Variants in ADAMTS14 observed in about 807,000 individuals in gnomAD.
The protein encoded by ADAMTS14 is A disintegrin and metalloproteinase with thrombospondin motifs 14.
In ADAMTS14, 100 loss-of-function variants were observed where a neutral mutation model predicts 128.6. That is an observed-to-expected ratio of 0.78 (90% CI 0.66 to 0.92). The LOEUF (loss-of-function observed/expected upper bound fraction) is 0.92. Among genes scored for constraint, ADAMTS14 ranks in the 40% least tolerant of loss-of-function variants. ADAMTS14 has a pLI of 0.00. For synonymous variants in ADAMTS14, 665 were observed against 653.8 expected (o/e 1.02, Z -0.26); for missense variants, 1,562 against 1,658.6 (o/e 0.94, Z 1.01).
At chr10:70,743,440 C>T in intron 12 of ADAMTS14, 108 bp from the exon 13 acceptor site, 1 of 1,353,962 alleles carries the variant, frequency 7.4e-7, no homozygotes, top group Non-Finnish European at 9.8e-7. Context: ...GCTCCCCCAA[C>T]TGTCCAGAGC....
At chr10:70,732,789 G>A (rs985079014) in intron 7 of ADAMTS14, among the ~76,000 whole-genome samples, 1 of 152,268 alleles carries the variant, frequency 6.6e-6, no homozygotes, top group African/African-American at 2.4e-5. Flanking sequence ...ACTCATTGGA[G>A]TGCTGGCCTG....
chr10:70,692,428 C>A (rs368318149), intron 2 of ADAMTS14, among the ~76,000 whole-genome samples: 1 of 152,242 alleles, frequency 6.6e-6, no homozygotes, highest in East Asian at 1.9e-4. Context: ...AAGGACCCTG[C>A]TGGGATGGAA....
chr10:70,723,493 A>G (rs1181273954), intron 4 of ADAMTS14, among the ~76,000 whole-genome samples: 1 of 152,258 alleles, frequency 6.6e-6, no homozygotes, highest in Non-Finnish European at 1.5e-5. Context: ...AGTTTCTGTA[A>G]TATCCTTGCA....
In ADAMTS14 at chr10:70,741,100, G is replaced by A. The variant is rs757459157; in HGVS notation, c.1862G>A (p.Arg621His). The A allele has an allele frequency of 3.6e-5, 58 of 1,613,812 alleles. No individual in the cohort carries two copies. Among genetic ancestry groups the A allele is most frequent in the South Asian group, 2.4e-4 (22 of 91,080 alleles). ...TTCCGGGCCCAGCAGTGTGCCAAGC[G>A]CAACTCCTACTATGTGCACCAGAAT... Reference protein sequence around the residue: ...EDFRAQQCAKRNSYYVHQNAK... With the variant: ...EDFRAQQCAKHNSYYVHQNAK... Residue 621 changes from arginine to histidine, a missense_variant, in exon 12 of 22, where the codon CGC (arginine) becomes CAC (histidine). Transcript: ENST00000373207.
At chr10:70,700,974 C>A (rs1308621137) in intron 2 of ADAMTS14, among the ~76,000 whole-genome samples, 2 of 152,214 alleles carry the variant, frequency 1.3e-5, no homozygotes, top group Non-Finnish European at 2.9e-5. Flanking sequence ...GACAGGGAAG[C>A]CTCAAATTTG....
intron 2 of ADAMTS14, among the ~76,000 whole-genome samples, chr10:70,692,777 A>G (rs185040387): frequency 5.3e-5 from 8 of 152,236 alleles, no homozygotes; most frequent in Middle Eastern, 3.4e-3. Flanking sequence ...ATCATCCTCT[A>G]TCAGTCCCCT....
chr10:70,757,467 G>T (rs1248713640), intron 19 of ADAMTS14, among the ~76,000 whole-genome samples: 1 of 152,174 alleles, frequency 6.6e-6, no homozygotes, highest in Admixed American at 6.5e-5. Context: ...GGGGTGGGGG[G>T]TAGCAGAAGC....
intron 2 of ADAMTS14, among the ~76,000 whole-genome samples, chr10:70,683,640 A>T (rs1201908325): frequency 6.6e-6 from 1 of 152,218 alleles, no homozygotes; most frequent in Non-Finnish European, 1.5e-5. Flanking sequence ...AAATCAGTCT[A>T]AAACTTGGAA....
intron 9 of ADAMTS14, 152 bp from the exon 10 acceptor site, chr10:70,736,528 G>A (rs1388810882): frequency 2.5e-5 from 15 of 610,328 alleles, no homozygotes; most frequent in Non-Finnish European, 3.8e-5. Flanking sequence ...TTGGAGTTGA[G>A]TAAACTTGAA....
intron 11 of ADAMTS14, 143 bp from the exon 12 acceptor site, chr10:70,740,844 A>T: frequency 1.2e-6 from 1 of 817,994 alleles, no homozygotes; most frequent in Non-Finnish European, 1.9e-6. Context: ...CCACCCTGGG[A>T]GCCATTCTCT....
chr10:70,716,159 T>C (rs1841032552), intron 4 of ADAMTS14, among the ~76,000 whole-genome samples: 1 of 152,166 alleles, frequency 6.6e-6, no homozygotes, highest in Non-Finnish European at 1.5e-5. Context: ...CTCCCCACAA[T>C]CTGCCAGAAA....
chr10:70,756,560 T>C (rs1229345533), intron 19 of ADAMTS14, among the ~76,000 whole-genome samples: 2 of 152,206 alleles, frequency 1.3e-5, no homozygotes, highest in Non-Finnish European at 2.9e-5. Context: ...GTCTTCAGTA[T>C]GTCCAAAGAA....
In ADAMTS14 at chr10:70,761,181, TC is replaced by T. The variant is rs922342417; in HGVS notation, c.*331del. 2 of 249,352 alleles carry T rather than the reference TC, an allele frequency of 8.0e-6. No individual in the cohort carries two copies. Among genetic ancestry groups the T allele is most frequent in the African/African-American group, 4.4e-5 (2 of 45,206 alleles). 15.4% of individuals were successfully genotyped at this position (249,352 alleles called of 1,614,324 possible). ...GACCCTGGGCCTGGGCAGGTCTGAA[TC>T]CCGGCTGGTCTGTAGCTAGAAGCTG... On this transcript the variant is annotated 3_prime_UTR_variant, in exon 22 of 22. Coordinates refer to ENST00000373207, the MANE Select transcript of ADAMTS14 (RefSeq NM_080722.4).
chr10:70,743,209 T>G (rs1357440928), intron 12 of ADAMTS14, among the ~76,000 whole-genome samples: 1 of 152,212 alleles, frequency 6.6e-6, no homozygotes, highest in African/African-American at 2.4e-5. Flanking sequence ...TAAGGGCATG[T>G]GAAGGTTTTA....
chr10:70,684,940 G>T (rs1006093866), intron 2 of ADAMTS14, among the ~76,000 whole-genome samples: 2 of 152,360 alleles, frequency 1.3e-5, no homozygotes, highest in East Asian at 3.9e-4. Context: ...TCATGACCAT[G>T]CTTCACTGTC....
At chr10:70,748,444 G>T (rs1260472019) in intron 15 of ADAMTS14, among the ~76,000 whole-genome samples, 2 of 152,200 alleles carry the variant, frequency 1.3e-5, no homozygotes, top group African/African-American at 2.4e-5. Context: ...TGAGGGAGAG[G>T]CCTGGGTGGG....
At chr10:70,752,913 C>G (rs1842390635) in intron 18 of ADAMTS14, among the ~76,000 whole-genome samples, 1 of 152,252 alleles carries the variant, frequency 6.6e-6, no homozygotes, top group African/African-American at 2.4e-5. Context: ...CCATGATAAC[C>G]AGCCCCTCCT....
chr10:70,754,145 T>C, intron 19 of ADAMTS14, 138 bp downstream of exon 19: 1 of 785,126 alleles, frequency 1.3e-6, no homozygotes, highest in South Asian at 1.9e-5. Flanking sequence ...TAAAGTAGAA[T>C]AGCTCCTACG....
At chr10:70,729,588 C>T (rs889966281) in intron 5 of ADAMTS14, among the ~76,000 whole-genome samples, 2 of 152,056 alleles carry the variant, frequency 1.3e-5, no homozygotes, top group Non-Finnish European at 2.9e-5. Flanking sequence ...GAGAAACTGA[C>T]GATTCCACAC....
Sources: gnomAD v4.1 joint callset for allele counts (sites outside exome capture counted in the v4.1 genomes callset) on GRCh38, gnomAD v4.1.1 for gene constraint, MANE v1.5 for transcripts, NCBI Gene and HGNC (gene_info 2026-07-23, HGNC 2026-07-21) for gene names.